PTPRD: variants seen among roughly 807,000 people sequenced by gnomAD.
PTPRD encodes the protein receptor-type tyrosine-protein phosphatase delta.
In PTPRD, 34 loss-of-function variants were observed where a neutral mutation model predicts 214.5. The observed-to-expected ratio is 0.16, with a 90% CI of 0.12 to 0.21. PTPRD has a LOEUF of 0.21. Ranked by LOEUF, PTPRD falls within the 10% of genes least tolerant of loss-of-function variation. The pLI, the probability that PTPRD is intolerant of heterozygous loss-of-function variation, is 1.00. For missense variants in PTPRD, 2,545 were observed against 2,398.7 expected (o/e 1.06, Z -1.27); for synonymous variants, 1,128 against 845.7 (o/e 1.33, Z -5.79).
At chr9:10,605,837 G>T (rs1020200823) in intron 2 of PTPRD, among the ~76,000 whole-genome samples, 1 of 151,674 alleles carries the variant, frequency 6.6e-6, no homozygotes, top group Admixed American at 6.6e-5. Context: ...TTGACACATA[G>T]GAGACTCAAT....
At chr9:9,641,115 A>C (rs1007076368) in intron 7 of PTPRD, among the ~76,000 whole-genome samples, 3 of 94,014 alleles carry the variant, frequency 3.2e-5, no homozygotes, top group Non-Finnish European at 6.1e-5. Context: ...GAAAAATTCA[A>C]TGGGGCAGAA....
At chr9:9,496,452 C>A (rs1005727065) in intron 8 of PTPRD, among the ~76,000 whole-genome samples, 1 of 151,970 alleles carries the variant, frequency 6.6e-6, no homozygotes, top group Non-Finnish European at 1.5e-5. Flanking sequence ...CACAAATGTC[C>A]AATAAGCACA....
At chr9:9,669,482 G>A (rs1193455385) in intron 7 of PTPRD, among the ~76,000 whole-genome samples, 1 of 152,136 alleles carries the variant, frequency 6.6e-6, no homozygotes, top group African/African-American at 2.4e-5. Context: ...GCTTTAGAAG[G>A]AATAAAGACC....
intron 8 of PTPRD, among the ~76,000 whole-genome samples, chr9:9,571,029 T>C (rs570185167): frequency 2.9e-4 from 44 of 151,448 alleles, no homozygotes; most frequent in Non-Finnish European, 4.9e-4. Flanking sequence ...TGAGTTACTC[T>C]TAAATCATGA....
intron 8 of PTPRD, among the ~76,000 whole-genome samples, chr9:9,400,939 A>G (rs2070159604): frequency 6.6e-6 from 1 of 152,080 alleles, no homozygotes; most frequent in Non-Finnish European, 1.5e-5. Flanking sequence ...TATTTTCTAT[A>G]AAAGAATCCT....
intron 13 of PTPRD, among the ~76,000 whole-genome samples, chr9:8,634,902 G>C (rs2096380341): frequency 6.6e-6 from 1 of 151,452 alleles, no homozygotes; most frequent in Non-Finnish European, 1.5e-5. Flanking sequence ...GTAATTTCCA[G>C]TTTGAAAATA....
Position 8,930,983 on chromosome 9 carries a change from A to C in PTPRD, c.-104+87714T>G, listed in dbSNP as rs976414194. On this transcript the variant is annotated intron_variant, in intron 11 of 45. Transcript: ENST00000381196. ...TAGTTTAATGAGATCCCATTTGTCAATTTTGGCTTTTGTTGCCATTGCTTT... is the reference window on the plus strand; with the variant it reads ...TAGTTTAATGAGATCCCATTTGTCACTTTTGGCTTTTGTTGCCATTGCTTT... Among the ~76,000 whole-genome samples the C allele has an allele frequency of 4.6e-5, 7 of 152,006 alleles. 1 individual carries two copies. The highest frequency in any genetic ancestry group is 5.9e-5 in the Non-Finnish European group (4 of 68,016).
chr9:10,019,334 G>T lies in PTPRD; in HGVS notation c.-472+14384C>A, dbSNP rs554912508. Among the ~76,000 whole-genome samples, 8 of 152,292 alleles carry T rather than the reference G, an allele frequency of 5.3e-5. 1 individual carries two copies. In the South Asian group the frequency reaches 1.7e-3, roughly 32 times the overall value. The stretch of plus-strand genomic sequence containing the variant: ...ACACTTTTACACTGTTGGTGGGACT[G>T]TAAACTAGTTCAACCATTGTGGAAG... On this transcript the variant is annotated intron_variant, in intron 4 of 45. Coordinates refer to ENST00000381196, the MANE Select transcript of PTPRD (RefSeq NM_002839.4).
intron 3 of PTPRD, among the ~76,000 whole-genome samples, chr9:10,287,564 A>C (rs562557808): frequency 6.6e-6 from 1 of 152,044 alleles, no homozygotes; most frequent in East Asian, 1.9e-4. Flanking sequence ...CTCCCCTGGG[A>C]GAGTAGCAAG....
At chr9:9,647,458 T>A (rs1296962407) in intron 7 of PTPRD, among the ~76,000 whole-genome samples, 1 of 152,218 alleles carries the variant, frequency 6.6e-6, no homozygotes, top group African/African-American at 2.4e-5. Context: ...GGTGTTATTT[T>A]AAGCCTGGGT....
At chr9:9,094,901 A>G (rs1193437281) in intron 10 of PTPRD, among the ~76,000 whole-genome samples, 5 of 152,160 alleles carry the variant, frequency 3.3e-5, no homozygotes, top group African/African-American at 9.7e-5. Context: ...AGTGTCCTTC[A>G]TGATCATAGA....
At chr9:9,943,172 G>T (rs2091925646) in intron 4 of PTPRD, among the ~76,000 whole-genome samples, 1 of 152,108 alleles carries the variant, frequency 6.6e-6, no homozygotes, top group Non-Finnish European at 1.5e-5. Flanking sequence ...AACCCTTAAA[G>T]AACCAGATTA....
At chr9:9,867,756 G>C (rs1175016023) in intron 5 of PTPRD, among the ~76,000 whole-genome samples, 1 of 152,068 alleles carries the variant, frequency 6.6e-6, no homozygotes, top group East Asian at 1.9e-4. Context: ...GAGTTGGCAG[G>C]CAAGTAGGTT....
At chr9:8,995,161 T>C (rs1390952270) in intron 11 of PTPRD, among the ~76,000 whole-genome samples, 2 of 152,060 alleles carry the variant, frequency 1.3e-5, no homozygotes, top group Non-Finnish European at 2.9e-5. Flanking sequence ...AGAAACTTAA[T>C]AGATATAACA....
At chr9:9,954,943 A>G (rs1472119147) in intron 4 of PTPRD, among the ~76,000 whole-genome samples, 2 of 152,196 alleles carry the variant, frequency 1.3e-5, no homozygotes, top group Admixed American at 6.5e-5. Context: ...TTAAACCTCT[A>G]TTAAGATAAA....
chr9:10,484,460 C>T (rs1374996118), intron 2 of PTPRD, among the ~76,000 whole-genome samples: 2 of 152,062 alleles, frequency 1.3e-5, no homozygotes, highest in African/African-American at 4.8e-5. Flanking sequence ...AAGGACCCTC[C>T]AAGCTGTTTT....
At chr9:9,693,475 G>A (rs2097312247) in intron 7 of PTPRD, among the ~76,000 whole-genome samples, 1 of 152,004 alleles carries the variant, frequency 6.6e-6, no homozygotes, top group Non-Finnish European at 1.5e-5. Flanking sequence ...GCAACTATGA[G>A]TCATTTAAAT....
intron 35 of PTPRD, among the ~76,000 whole-genome samples, chr9:8,407,597 T>A (rs2093122117): frequency 2.6e-5 from 4 of 152,216 alleles, no homozygotes; most frequent in Non-Finnish European, 5.9e-5. Flanking sequence ...CACATCACTA[T>A]CCTTTATTTC....
intron 5 of PTPRD, among the ~76,000 whole-genome samples, chr9:9,851,565 T>C (rs2060552962): frequency 2.6e-5 from 4 of 152,230 alleles, no homozygotes; most frequent in Admixed American, 2.0e-4. Context: ...GGTGTAAATA[T>C]AAAGTTAGTG....
Sources: allele counts gnomAD v4.1 joint callset (sites outside exome capture counted in the v4.1 genomes callset), GRCh38; gene constraint gnomAD v4.1.1; transcripts MANE v1.5; gene names NCBI Gene and HGNC (gene_info 2026-07-23, HGNC 2026-07-21).